FOLH1: variants seen among roughly 807,000 people sequenced by gnomAD.
FOLH1 encodes the protein glutamate carboxypeptidase 2.
FOLH1 carries 54 observed loss-of-function variants against 93.9 expected under a neutral mutation model. The ratio of observed to expected loss-of-function variants is 0.57; its 90% CI spans 0.46 to 0.72. The LOEUF is 0.72. Among genes scored for constraint, FOLH1 ranks in the 30% least tolerant of loss-of-function variants. FOLH1 has a pLI of 0.00. For missense variants in FOLH1, 571 were observed against 892.5 expected (o/e 0.64, Z 4.59); for synonymous variants, 249 against 303.6 (o/e 0.82, Z 1.87).
chr11:49,208,111 C>A, intron 1 of FOLH1, 181 bp downstream of exon 1: 3 of 621,088 alleles, frequency 4.8e-6, no homozygotes, highest in Middle Eastern at 8.7e-4. Flanking sequence ...CTCAGCCCTG[C>A]ACCGTTCCCA....
intron 11 of FOLH1, among the ~76,000 whole-genome samples, chr11:49,169,952 T>C (rs1305658107): frequency 6.6e-6 from 1 of 152,130 alleles, no homozygotes; most frequent in Non-Finnish European, 1.5e-5. Flanking sequence ...AGACACAAAT[T>C]ACACCGTCAA....
At chr11:49,170,829 C>A (rs941725654) in intron 11 of FOLH1, among the ~76,000 whole-genome samples, 1 of 152,090 alleles carries the variant, frequency 6.6e-6, no homozygotes, top group African/African-American at 2.4e-5. Flanking sequence ...TCTGTTAAGT[C>A]GTTCATGTTT....
intron 7 of FOLH1, among the ~76,000 whole-genome samples, chr11:49,179,724 A>T (rs1860504326): frequency 1.3e-5 from 2 of 152,196 alleles, no homozygotes; most frequent in Non-Finnish European, 2.9e-5. Flanking sequence ...TCTAAAGCAT[A>T]AGAAAGGAAA....
Position 49,148,684 on chromosome 11 carries a change from C to A in FOLH1, c.2018G>T (p.Arg673Ile). Residue 673 changes from arginine to isoleucine, a missense_variant, in exon 18 of 19, where the codon AGA becomes ATA. Coordinates refer to ENST00000256999, the MANE Select transcript of FOLH1 (RefSeq NM_004476.3). ...TAACCCTAATGGATCAATAAATGCT[C>A]TTTCCAGAAACATGAGTTGATCATT... ...MMNDQLMFLE[R>I]AFIDPLGLPD... 1.2e-6 allele frequency: 2 copies of A among 1,606,736 alleles called. No homozygotes were observed. The highest frequency in any genetic ancestry group is 1.1e-5 in the South Asian group (1 of 89,392).
chr11:49,152,188 G>C (rs1158094234), intron 17 of FOLH1, among the ~76,000 whole-genome samples: 1 of 151,734 alleles, frequency 6.6e-6, no homozygotes, highest in Non-Finnish European at 1.5e-5. Flanking sequence ...CTTCTCTTAG[G>C]CATTAGGTTA....
chr11:49,191,445 A>C (rs2135246363), intron 4 of FOLH1, among the ~76,000 whole-genome samples: 1 of 152,312 alleles, frequency 6.6e-6, no homozygotes, highest in African/African-American at 2.4e-5. Flanking sequence ...TAAACAGCAA[A>C]CCCATACAAC....
intron 1 of FOLH1, among the ~76,000 whole-genome samples, chr11:49,206,589 C>T (rs1426408990): frequency 6.6e-6 from 1 of 152,200 alleles, no homozygotes; most frequent in African/African-American, 2.4e-5. Context: ...GCATTTAATA[C>T]ATTTTTATAA....
chr11:49,148,360 G>C (rs1014672169), intron 18 of FOLH1, among the ~76,000 whole-genome samples: 3 of 151,286 alleles, frequency 2.0e-5, no homozygotes, highest in African/African-American at 7.3e-5. Context: ...AAATTGGGGA[G>C]ATTTTTATTT....
intron 2 of FOLH1, among the ~76,000 whole-genome samples, chr11:49,201,292 T>A (rs1863231754): frequency 6.8e-6 from 1 of 148,136 alleles, no homozygotes; most frequent in Non-Finnish European, 1.5e-5. Context: ...CATAAACTTT[T>A]GGAACTTCAT....
At chr11:49,177,767 G>C (rs545574685) in intron 7 of FOLH1, among the ~76,000 whole-genome samples, 1 of 133,104 alleles carries the variant, frequency 7.5e-6, no homozygotes, top group Non-Finnish European at 1.6e-5. Context: ...GACCAACATG[G>C]AGAAACCCCG....
At chr11:49,169,092 C>A (rs1049050175) in intron 12 of FOLH1, 103 bp downstream of exon 12, 14 of 1,336,872 alleles carry the variant, frequency 1.0e-5, no homozygotes, top group Admixed American at 1.8e-5. Context: ...GATTCCCTAA[C>A]CACACATTAA....
intron 9 of FOLH1, among the ~76,000 whole-genome samples, chr11:49,174,133 C>G (rs1200420254): frequency 6.6e-6 from 1 of 152,112 alleles, no homozygotes; most frequent in Non-Finnish European, 1.5e-5. Context: ...TATCATGGAA[C>G]TGGCACAAAA....
chr11:49,165,417 G>A (rs1349998094), intron 12 of FOLH1, among the ~76,000 whole-genome samples: 1 of 152,120 alleles, frequency 6.6e-6, no homozygotes, highest in East Asian at 1.9e-4. Context: ...GCTCTTCTTA[G>A]AGTTTCAGTC....
At chr11:49,186,570 G>A in intron 5 of FOLH1, 74 bp downstream of exon 5, 1 of 1,475,102 alleles carries the variant, frequency 6.8e-7, no homozygotes, top group Non-Finnish European at 9.2e-7. Flanking sequence ...TTAAGAAAAT[G>A]ATTCTACACA....
chr11:49,193,321 T>A (rs1862272162), intron 3 of FOLH1, among the ~76,000 whole-genome samples: 1 of 152,198 alleles, frequency 6.6e-6, no homozygotes, highest in Non-Finnish European at 1.5e-5. Context: ...GCATACATAC[T>A]AAGCTAGTGT....
At position 49,208,305 on chromosome 11, in the gene FOLH1, G is replaced by A; in HGVS notation, c.105C>T (p.Leu35=). 6.4e-7 allele frequency: 1 copy of A among 1,568,938 alleles called. No individual in the cohort carries two copies. Among genetic ancestry groups the A allele is most frequent in the Non-Finnish European group, 8.7e-7 (1 of 1,154,928 alleles). ...ALVLAGGFFL[L]GFLFGWFIKS... Reference sequence around the variant, plus strand: ...GCGCCCCCCTACCGAAGAGGAAGCCGAGGAGAAAGAAGCCACCCGCCAGCA... The same window carrying A: ...GCGCCCCCCTACCGAAGAGGAAGCCAAGGAGAAAGAAGCCACCCGCCAGCA... The change falls in exon 1 of 19, where the codon CTC becomes CTT. Residue 35 remains leucine, a synonymous_variant. Transcript: ENST00000256999.
intron 13 of FOLH1, among the ~76,000 whole-genome samples, chr11:49,162,368 C>T (rs567894971): frequency 2.0e-5 from 3 of 152,256 alleles, no homozygotes; most frequent in African/African-American, 7.2e-5. Flanking sequence ...GAAAGACAGT[C>T]TTCAACTCTA....
At chr11:49,204,543 C>T (rs1395709109) in intron 2 of FOLH1, among the ~76,000 whole-genome samples, 1 of 152,126 alleles carries the variant, frequency 6.6e-6, no homozygotes, top group African/African-American at 2.4e-5. Flanking sequence ...ATTATACCTA[C>T]TATACATTAT....
intron 9 of FOLH1, among the ~76,000 whole-genome samples, chr11:49,173,896 T>C (rs1168502443): frequency 1.3e-5 from 2 of 152,138 alleles, no homozygotes; most frequent in African/African-American, 4.8e-5. Context: ...AGCTCAAATA[T>C]TTTCTCCCTC....
Sources: gnomAD v4.1 joint callset for allele counts (sites outside exome capture counted in the v4.1 genomes callset) on GRCh38, gnomAD v4.1.1 for gene constraint, MANE v1.5 for transcripts, NCBI Gene and HGNC (gene_info 2026-07-23, HGNC 2026-07-21) for gene names.